Variants in MRC1 observed in about 807,000 individuals in gnomAD.
MRC1 encodes the protein mannose receptor C-type 1.
MRC1 carries 62 observed loss-of-function variants against 102.9 expected under a neutral mutation model. The observed-to-expected ratio is 0.60, with a 90% confidence interval of 0.49 to 0.74. The LOEUF (loss-of-function observed/expected upper bound fraction) is 0.74, where lower values mean the gene tolerates loss of function less well. MRC1 is among the 30% of genes least tolerant of loss of function. The pLI is 0.00. For missense variants in MRC1, 1,237 were observed against 862.8 expected, an observed-to-expected ratio of 1.43 and a Z score of -5.43; for synonymous variants, 457 against 298.4, an observed-to-expected ratio of 1.53 and a Z score of -5.48.
At chr10:17,880,007 T>C (rs1480415015) in intron 19 of MRC1, among the ~76,000 whole-genome samples, 186 bp downstream of exon 19, 5 of 152,214 alleles carry the variant, frequency 3.3e-5, no homozygotes, top group Non-Finnish European at 5.9e-5. Flanking sequence ...ACATTTACAC[T>C]AGTAAATGAC....
rs71497223 is a variant in MRC1, at chr10:17,849,710, A to T, written c.1195A>T (p.Thr399Ser). The change falls in exon 7 of 30, where the codon ACA becomes TCA. Residue 399 changes from threonine to serine, a missense_variant. Coordinates refer to ENST00000569591, the MANE Select transcript of MRC1 (RefSeq NM_002438.4). ...CTGCAGGAAGGAAGGCGGTGACCTC[A>T]CAAGTATCCACACCATCGAGGAATT... Reference protein sequence around the residue: ...TTCRKEGGDLTSIHTIEELDF... With the variant: ...TTCRKEGGDLSSIHTIEELDF... 3.8e-6 allele frequency: 3 copies of T among 780,518 alleles called. No individual in the cohort carries two copies. The highest frequency in any genetic ancestry group is 1.3e-5 in the South Asian group (1 of 74,612). 48.3% of individuals were successfully genotyped at this position (780,518 alleles called of 1,614,324 possible).
In MRC1 at chr10:17,909,297, TA is replaced by T. The variant is rs1209723660; in HGVS notation, c.4079-8del. ...GGGTTTTTATAAATTTTTTTTTTTT[TA>T]CACACAGTTATTGATGCTAAACCTA... On this transcript the variant is annotated splice_polypyrimidine_tract_variant and splice_region_variant and intron_variant, in intron 28 of 29. Transcript: ENST00000569591. 1 of 867,028 alleles carries T rather than the reference TA, an allele frequency of 1.2e-6. No individual in the cohort carries two copies. Among genetic ancestry groups the T allele is most frequent in the Non-Finnish European group, 2.0e-6 (1 of 498,746 alleles). 53.7% of individuals were successfully genotyped at this position (867,028 alleles called of 1,614,324 possible).
chr10:17,812,131 A>C (rs1176878758), intron 1 of MRC1, among the ~76,000 whole-genome samples: 13 of 152,026 alleles, frequency 8.6e-5, no homozygotes, highest in African/African-American at 2.9e-4. Flanking sequence ...TTAGCACCAT[A>C]AGTCTCTGTG....
intron 23 of MRC1, among the ~76,000 whole-genome samples, chr10:17,896,858 A>G (rs1374570236): frequency 2.6e-5 from 4 of 152,246 alleles, no homozygotes; most frequent in African/African-American, 7.2e-5. Context: ...ATGCAGGCAT[A>G]AAGTGGAACA....
intron 4 of MRC1, among the ~76,000 whole-genome samples, chr10:17,837,378 G>A (rs1215786205): frequency 2.0e-5 from 3 of 152,190 alleles, no homozygotes; most frequent in African/African-American, 4.8e-5. Flanking sequence ...AAAAAATAGG[G>A]GAAAGATATT....
chr10:17,817,451 T>C (rs2947600), intron 1 of MRC1, among the ~76,000 whole-genome samples: 112,836 of 151,968 alleles, frequency 0.74, 43,062 homozygotes, highest in African/African-American at 0.93. Context: ...TCTTTTTGCC[T>C]TTGAGTTAAC....
At position 17,875,120 on chromosome 10, in the gene MRC1, T is replaced by G; in HGVS notation, c.2417T>G (p.Ile806Ser). 2 of 780,824 alleles carry G rather than the reference T, an allele frequency of 2.6e-6. No homozygotes were observed. Among genetic ancestry groups the G allele is most frequent in the Admixed American group, 1.7e-5 (1 of 59,024 alleles). The allele number at this position is 780,824 out of a possible 1,614,324, so 48.4% of individuals were successfully genotyped here. A position where few individuals can be genotyped will look rare whatever the true frequency, so the allele number is the denominator to read the frequency against. Residue 806 changes from isoleucine (I) to serine (S), a missense_variant, in exon 17 of 30, where the codon ATT becomes AGT. By Grantham distance (142) the Ile-to-Ser change is moderately radical (BLOSUM62 -2). Transcript: ENST00000569591. Reference sequence around the variant, plus strand: ...CCAGTTACTGAAGATGGGTGGGTTATTTACAAAGACTACCAGTATTATTTC... The same window carrying G: ...CCAGTTACTGAAGATGGGTGGGTTAGTTACAAAGACTACCAGTATTATTTC... ...NPPVTEDGWVIYKDYQYYFSK... is the reference protein window; with the variant it reads ...NPPVTEDGWVSYKDYQYYFSK...
chr10:17,841,158 T>C (rs1429606888), intron 5 of MRC1, among the ~76,000 whole-genome samples: 3 of 152,260 alleles, frequency 2.0e-5, no homozygotes, highest in Non-Finnish European at 4.4e-5. Flanking sequence ...CTACTTGCAT[T>C]GTTACTATAT....
chr10:17,881,543 A>G (rs1386894770), intron 21 of MRC1, among the ~76,000 whole-genome samples: 3 of 152,166 alleles, frequency 2.0e-5, no homozygotes, highest in Non-Finnish European at 4.4e-5. Flanking sequence ...AGAGTCAAAG[A>G]AGAGTACTTC....
chr10:17,840,542 G>A, intron 4 of MRC1, 151 bp from the exon 5 acceptor site: 1 of 655,958 alleles, frequency 1.5e-6, no homozygotes, highest in Admixed American at 2.5e-5. Flanking sequence ...GCCTTAGGTT[G>A]TCAGGAGAAT....
At position 17,813,700 on chromosome 10, in the gene MRC1, A is replaced by ATATATATATAT. The variant is rs1401200082; in HGVS notation, c.61+4175_61+4176insATATATATATT. On this transcript the variant is annotated intron_variant, in intron 1 of 29. Transcript: ENST00000569591. ...ACACACATTATATATATATATATAT[A>ATATATATATAT]TTTTTTTTTTTTTTTGAGACAGGGT... Among the ~76,000 whole-genome samples the ATATATATATAT allele has an allele frequency of 1.9e-3, 238 of 125,666 alleles. 2 individuals carry two copies. The highest frequency in any genetic ancestry group is 9.3e-3 in the South Asian group (37 of 3,958). The allele number at this position is 125,666 out of a possible 152,430, so 82.4% of individuals were successfully genotyped here.
chr10:17,896,538 A>G (rs1276182011), intron 23 of MRC1, among the ~76,000 whole-genome samples: 2 of 152,224 alleles, frequency 1.3e-5, no homozygotes, highest in Non-Finnish European at 2.9e-5. Flanking sequence ...ACATGATAGA[A>G]TATGTTGCCA....
intron 4 of MRC1, among the ~76,000 whole-genome samples, chr10:17,836,201 C>A (rs1006037487): frequency 6.6e-6 from 1 of 152,196 alleles, no homozygotes; most frequent in Non-Finnish European, 1.5e-5. Context: ...TCAGATGACA[C>A]CCGTCACCAA....
intron 22 of MRC1, 109 bp downstream of exon 22, chr10:17,885,544 G>T (rs983341629): frequency 0.17 from 121,952 of 710,030 alleles, 12,276 homozygotes; most frequent in Non-Finnish European, 0.22. Flanking sequence ...TCCTTGATCT[G>T]TTCTATGCTT....
At chr10:17,900,113 A>AG (rs1488177554) in intron 24 of MRC1, among the ~76,000 whole-genome samples, 38 of 150,524 alleles carry the variant, frequency 2.5e-4, no homozygotes, top group Non-Finnish European at 3.3e-4. Flanking sequence ...AAAAAAAAAA[A>AG]AAAGAAAGAA....
chr10:17,815,913 G>A (rs1039904106), intron 1 of MRC1, among the ~76,000 whole-genome samples: 3 of 151,530 alleles, frequency 2.0e-5, no homozygotes, highest in Non-Finnish European at 2.9e-5. Context: ...TGCAACCTCC[G>A]CCTTGTGGGT....
intron 25 of MRC1, among the ~76,000 whole-genome samples, chr10:17,901,694 A>AG (rs1474131384): frequency 6.6e-6 from 1 of 152,106 alleles, no homozygotes; most frequent in Non-Finnish European, 1.5e-5. Context: ...CGTCTCAAAA[A>AG]AAAAAAAATT....
chr10:17,844,273 C>T (rs1299665427), intron 5 of MRC1, among the ~76,000 whole-genome samples: 2 of 152,066 alleles, frequency 1.3e-5, no homozygotes, highest in Non-Finnish European at 2.9e-5. Flanking sequence ...GGCTGGAGTG[C>T]AGTGGTGTGA....
intron 24 of MRC1, among the ~76,000 whole-genome samples, chr10:17,898,959 T>C (rs1036238258): frequency 9.2e-5 from 14 of 151,910 alleles, no homozygotes; most frequent in Non-Finnish European, 1.3e-4. Flanking sequence ...ATAAGAAGTA[T>C]CAAAGAGAGG....
Sources: gnomAD v4.1 joint callset for allele counts (sites outside exome capture counted in the v4.1 genomes callset) on GRCh38, gnomAD v4.1.1 for gene constraint, MANE v1.5 for transcripts, NCBI Gene and HGNC (gene_info 2026-07-23, HGNC 2026-07-21) for gene names.